SYT16: variants seen among roughly 807,000 people sequenced by gnomAD.
SYT16 encodes the protein synaptotagmin 16, also known as synaptotagmin-16.
Under a neutral mutation model 61.4 loss-of-function variants are expected in SYT16, and 42 were observed. The ratio of observed to expected loss-of-function variants is 0.68; its 90% confidence interval spans 0.53 to 0.89. SYT16 has a LOEUF of 0.89. SYT16 is among the 40% of genes least tolerant of loss of function. SYT16 has a pLI of 0.00. For missense variants in SYT16, 804 were observed against 807.3 expected (o/e 1.00, Z 0.05); for synonymous variants, 314 against 302.3 (o/e 1.04, Z -0.40).
intron 1 of SYT16, among the ~76,000 whole-genome samples, chr14:61,934,121 GAT>G (rs1354117121): frequency 6.6e-6 from 1 of 152,054 alleles, no homozygotes; most frequent in East Asian, 1.9e-4. Context: ...CAGCTTATGA[GAT>G]ATTTCTATGC....
chr14:61,963,611 A>C (rs138236401), intron 1 of SYT16, among the ~76,000 whole-genome samples: 1 of 152,326 alleles, frequency 6.6e-6, no homozygotes, highest in East Asian at 1.9e-4. Context: ...TCCCCATTAC[A>C]TGAAAGAGCA....
intron 7 of SYT16, among the ~76,000 whole-genome samples, chr14:62,085,120 A>C (rs1300804598): frequency 1.3e-5 from 2 of 152,176 alleles, no homozygotes; most frequent in African/African-American, 4.8e-5. Flanking sequence ...CAGACTCAAA[A>C]AGCTGCTGTT....
intron 3 of SYT16, among the ~76,000 whole-genome samples, chr14:62,054,895 AACTC>A (rs368195437): frequency 7.6e-4 from 116 of 152,300 alleles, no homozygotes; most frequent in African/African-American, 2.6e-3. Flanking sequence ...GAAAGCTAGA[AACTC>A]ACAACACCTG....
intron 3 of SYT16, among the ~76,000 whole-genome samples, chr14:62,025,820 GT>G (rs2140779548): frequency 1.3e-5 from 2 of 152,002 alleles, no homozygotes; most frequent in African/African-American, 4.8e-5. Context: ...TAGGAAGGCA[GT>G]TGACTTTTGA....
intron 1 of SYT16, among the ~76,000 whole-genome samples, chr14:61,936,512 A>T (rs8022738): frequency 0.12 from 18,842 of 152,128 alleles, 1,751 homozygotes; most frequent in African/African-American, 0.26. Context: ...ACAGAAATAC[A>T]TTTCTTATTT....
intron 1 of SYT16, among the ~76,000 whole-genome samples, chr14:61,825,420 C>A (rs1172791676): frequency 6.6e-6 from 1 of 152,192 alleles, no homozygotes; most frequent in South Asian, 2.1e-4. Flanking sequence ...GGGGCTCATG[C>A]CTGTAATCCC....
chr14:61,820,252 C>T (rs1378088312), intron 1 of SYT16, among the ~76,000 whole-genome samples: 1 of 152,158 alleles, frequency 6.6e-6, no homozygotes, highest in African/African-American at 2.4e-5. Flanking sequence ...GAAATGTGCA[C>T]ACACACAACT....
At chr14:62,018,032 C>A (rs184100311) in intron 3 of SYT16, among the ~76,000 whole-genome samples, 114 of 152,196 alleles carry the variant, frequency 7.5e-4, no homozygotes, top group African/African-American at 2.4e-3. Flanking sequence ...AACTTACCTC[C>A]TGATTTCTCT....
intron 1 of SYT16, among the ~76,000 whole-genome samples, chr14:61,817,010 C>CAA (rs1491408669): frequency 0.012 from 47 of 3,912 alleles, no homozygotes; most frequent in African/African-American, 0.015. Context: ...GGCTCCGTCA[C>CAA]ACACACACAC....
intron 1 of SYT16, among the ~76,000 whole-genome samples, chr14:61,898,353 A>G (rs550214945): frequency 1.3e-5 from 2 of 152,344 alleles, no homozygotes; most frequent in Admixed American, 1.3e-4. Flanking sequence ...GACCTCTCTC[A>G]CTGTGCCTGT....
rs2052778323 is a variant in SYT16 at position 61,996,527 on chromosome 14, A to C, written c.508A>C (p.Asn170His). The change falls in exon 3 of 8, where the codon AAT (asparagine) becomes CAT (histidine). Residue 170 changes from asparagine (N) to histidine (H), a missense_variant. Coordinates refer to ENST00000683842, the MANE Select transcript of SYT16 (RefSeq NM_001367656.1). ...GCTCCCTGGTACTTTAGAAACTGTT[A>C]ATGGAAAAAAGCAAGGTAAGCTAGC... ...SQLPGTLETVNGKKQVNSFGD... is the reference protein window; with the variant it reads ...SQLPGTLETVHGKKQVNSFGD... The C allele has an allele frequency of 6.3e-7, 1 of 1,598,544 alleles. No homozygotes were observed.
At chr14:61,910,362 C>T (rs973533865) in intron 1 of SYT16, among the ~76,000 whole-genome samples, 8 of 151,768 alleles carry the variant, frequency 5.3e-5, no homozygotes, top group Non-Finnish European at 1.0e-4. Flanking sequence ...CCTCAGCCTC[C>T]CGAGTAGCTG....
chr14:61,919,551 C>G (rs902653654), intron 1 of SYT16, among the ~76,000 whole-genome samples: 1 of 152,226 alleles, frequency 6.6e-6, no homozygotes, highest in African/African-American at 2.4e-5. Context: ...TGGCCTCTTC[C>G]TCCATCTTCA....
chr14:62,029,923 G>A (rs1011121642), intron 3 of SYT16, among the ~76,000 whole-genome samples: 14 of 152,112 alleles, frequency 9.2e-5, no homozygotes, highest in African/African-American at 3.4e-4. Context: ...TTTTTGCCAA[G>A]TGGTATCTTC....
intron 5 of SYT16, among the ~76,000 whole-genome samples, chr14:62,078,088 C>G (rs761794543): frequency 6.6e-6 from 1 of 150,786 alleles, no homozygotes; most frequent in Non-Finnish European, 1.5e-5. Flanking sequence ...GTCTTCTCCC[C>G]CTTCATCTTG....
chr14:61,944,982 T>C (rs2050363459), intron 1 of SYT16, among the ~76,000 whole-genome samples: 1 of 152,182 alleles, frequency 6.6e-6, no homozygotes, highest in Non-Finnish European at 1.5e-5. Context: ...TTTTGCAATC[T>C]ATCTGTCTGA....
At chr14:61,919,866 A>G (rs188267406) in intron 1 of SYT16, among the ~76,000 whole-genome samples, 238 of 2,574 alleles carry the variant, frequency 0.092, no homozygotes, top group Non-Finnish European at 0.12. Flanking sequence ...GCTATCTGAT[A>G]TGCACACTTG....
chr14:61,862,830 T>C (rs1489762714), intron 1 of SYT16, among the ~76,000 whole-genome samples: 1 of 152,232 alleles, frequency 6.6e-6, no homozygotes, highest in Non-Finnish European at 1.5e-5. Context: ...TCTCCACAGT[T>C]TTTGTCTTTT....
At chr14:61,996,926 A>G (rs2052795290) in intron 3 of SYT16, among the ~76,000 whole-genome samples, 1 of 152,104 alleles carries the variant, frequency 6.6e-6, no homozygotes, top group Non-Finnish European at 1.5e-5. Flanking sequence ...ATCCTGTGCA[A>G]AAAGCCGTAC....
Sources: gnomAD v4.1 joint callset for allele counts (sites outside exome capture counted in the v4.1 genomes callset) on GRCh38, gnomAD v4.1.1 for gene constraint, MANE v1.5 for transcripts, NCBI Gene and HGNC (gene_info 2026-07-23, HGNC 2026-07-21) for gene names.